SYNM: variants seen among roughly 807,000 people sequenced by gnomAD.
SYNM encodes desmuslin.
Under a neutral mutation model 104.0 loss-of-function variants are expected in SYNM, and 95 were observed. The ratio of observed to expected loss-of-function variants is 0.91; its 90% CI spans 0.77 to 1.08. The LOEUF is 1.08. SYNM is among the 50% of genes least tolerant of loss of function. The probability of loss-of-function intolerance (pLI) is 0.00; values close to 1 mark genes in which losing one functional copy is unlikely to be tolerated. For missense variants in SYNM, 2,150 were observed against 2,052.2 expected, an observed-to-expected ratio of 1.05 and a Z score of -0.92; for synonymous variants, 918 against 869.0, an observed-to-expected ratio of 1.06 and a Z score of -0.99.
At chr15:99,121,478 C>T (rs1293013804) in intron 2 of SYNM, among the ~76,000 whole-genome samples, 1 of 152,142 alleles carries the variant, frequency 6.6e-6, no homozygotes, top group Non-Finnish European at 1.5e-5. Context: ...GTATGAGAGA[C>T]ACGTGCCGCT....
chr15:99,105,502 G>C lies in SYNM; in HGVS notation c.303G>C (p.Glu101Asp). ...ELRELQRLDA[E>D]ERAARGRLDA... ...GGGAGCTGCAGCGCCTGGATGCGGA[G>C]GAGCGCGCCGCCCGCGGCCGCCTGG... The change falls in exon 1 of 4, where the codon GAG becomes GAC. Residue 101 changes from glutamate (E) to aspartate (D), a missense_variant. Transcript: ENST00000336292. 7.7e-7 allele frequency: 1 copy of C among 1,290,796 alleles called. No individual in the cohort carries two copies. The highest frequency in any genetic ancestry group is 3.9e-5 in the Admixed American group (1 of 25,770). The allele number at this position is 1,290,796 out of a possible 1,614,324, so 80.0% of individuals were successfully genotyped here.
intron 2 of SYNM, among the ~76,000 whole-genome samples, chr15:99,120,752 CA>C (rs1567279044): frequency 6.6e-6 from 1 of 152,080 alleles, no homozygotes; most frequent in Non-Finnish European, 1.5e-5. Flanking sequence ...TTGTGAGAAT[CA>C]GGGGAGGCTT....
At chr15:99,139,349 C>T (rs375107513), downstream of SYNM, 5 of 1,613,862 alleles carry the variant, frequency 3.1e-6, no homozygotes, top group African/African-American at 6.7e-5. Context: ...GCTGGGTGGC[C>T]AGAGTCCTTT....
At chr15:99,117,779 T>C (rs1394519218) in intron 2 of SYNM, among the ~76,000 whole-genome samples, 1 of 99,632 alleles carries the variant, frequency 1.0e-5, no homozygotes, top group Admixed American at 9.8e-5. Context: ...GCCTTTTTGG[T>C]AGGGTATTCA....
chr15:99,119,626 C>T (rs2067381729), intron 2 of SYNM, among the ~76,000 whole-genome samples: 1 of 152,174 alleles, frequency 6.6e-6, no homozygotes, highest in South Asian at 2.1e-4. Flanking sequence ...TCACAGAATC[C>T]TGTGGAGCCA....
At chr15:99,139,218 C>T, downstream of SYNM, 1 of 1,470,232 alleles carries the variant, frequency 6.8e-7, no homozygotes, top group Non-Finnish European at 9.2e-7. Context: ...GCAAAACATT[C>T]CAGAGAAGGT....
chr15:99,105,751 C>A lies in SYNM; in HGVS notation c.552C>A (p.His184Gln). ...CGCCGCCACGCCTGCGGGAGGTGCA[C>A]GACAGCTACGCACTGCTGGTGGCCG... ...AAPPPRLREV[H>Q]DSYALLVAES... Residue 184 changes from histidine to glutamine, a missense_variant, in exon 1 of 4, where the codon CAC becomes CAA. Transcript: ENST00000336292. 3 of 1,532,066 alleles carry A rather than the reference C, an allele frequency of 2.0e-6. No homozygotes were observed. Among genetic ancestry groups the A allele is most frequent in the African/African-American group, 1.4e-5 (1 of 70,316 alleles). The allele number at this position is 1,532,066 out of a possible 1,614,324, so 94.9% of individuals were successfully genotyped here. A position where few individuals can be genotyped will look rare whatever the true frequency, so the allele number is the denominator to read the frequency against.
At position 99,129,542 on chromosome 15, in the gene SYNM, C is replaced by G. The variant is rs782603809; in HGVS notation, c.1182C>G (p.Ala394=). The G allele has an allele frequency of 6.2e-7, 1 of 1,613,796 alleles. No individual in the cohort carries two copies. Among genetic ancestry groups the G allele is most frequent in the African/African-American group, 1.3e-5 (1 of 74,882 alleles). The change falls in exon 4 of 4, where the codon GCC becomes GCG. Residue 394 remains alanine (A), a synonymous_variant. Transcript: ENST00000336292. ...CGGGCACATCTATTGGAGGTGATGC[C>G]AGAAGAGGCTTCTTGGGCTCGGGAT... The part of the protein sequence containing the change: ...SQTGTSIGGD[A]RRGFLGSGYS...
downstream of SYNM, among the ~76,000 whole-genome samples, chr15:99,138,872 G>A (rs782277315): frequency 6.6e-6 from 1 of 152,236 alleles, no homozygotes; most frequent in Non-Finnish European, 1.5e-5. Flanking sequence ...TGTGAGGTAG[G>A]CCCTCCACGG....
rs1163511714 is a variant in SYNM at position 99,105,404 on chromosome 15, C to G, written c.205C>G (p.Gln69Glu). 3 of 1,509,004 alleles carry G rather than the reference C, an allele frequency of 2.0e-6. No individual in the cohort carries two copies. In the African/African-American group the frequency reaches 4.3e-5, roughly 22 times the overall value. The allele number at this position is 1,509,004 out of a possible 1,614,324, so 93.5% of individuals were successfully genotyped here. A position where few individuals can be genotyped will look rare whatever the true frequency, so the allele number is the denominator to read the frequency against. Reference sequence around the variant, plus strand: ...CGCCGAGGAGGCGCGCAGCTTGCGGCAGCAGCTGGACGAGCTGAGCTGGGC... The same window carrying G: ...CGCCGAGGAGGCGCGCAGCTTGCGGGAGCAGCTGGACGAGCTGAGCTGGGC... ...RCAEEARSLR[Q>E]QLDELSWATA... The change falls in exon 1 of 4, where the codon CAG becomes GAG. Residue 69 changes from glutamine (Q) to glutamate (E), a missense_variant. Physicochemically the swap from Gln to Glu is conservative, Grantham distance 29. Transcript: ENST00000336292.
At chr15:99,138,170 C>T (rs781996326), downstream of SYNM, 1 of 1,603,736 alleles carries the variant, frequency 6.2e-7, no homozygotes, top group Non-Finnish European at 8.5e-7. Context: ...TGCCCCTCAG[C>T]CCCCCACACC....
rs528862126 is a variant in SYNM, at chr15:99,125,159, G to A, written c.936-1563G>A. On this transcript the variant is annotated intron_variant, in intron 2 of 3. Transcript: ENST00000336292. ...GAGGTTCACAGCTGAGCCAGGCCGG[G>A]AGGATCTGAACTAGAACCTAGTCTT... Among the ~76,000 whole-genome samples, 12 of 152,344 alleles carry A rather than the reference G, an allele frequency of 7.9e-5. No individual in the cohort carries two copies. The East Asian group carries it at 2.1e-3, about 27-fold the overall frequency.
rs782282370 is a variant in SYNM, at chr15:99,130,199, A to T, written c.1839A>T (p.Ala613=). The change falls in exon 4 of 4, where the codon GCA becomes GCT. Residue 613 remains alanine, a synonymous_variant. Coordinates refer to ENST00000336292, the MANE Select transcript of SYNM (RefSeq NM_145728.3). ...AGGGTGREAE[A]RELRFRLGTS... ...GTGGGACCGGTAGAGAGGCAGAAGCAAGAGAGCTACGGTTCAGGTTGGGCA... is the reference window on the plus strand; with the variant it reads ...GTGGGACCGGTAGAGAGGCAGAAGCTAGAGAGCTACGGTTCAGGTTGGGCA... 3 of 1,613,862 alleles carry T rather than the reference A, an allele frequency of 1.9e-6. No individual in the cohort carries two copies. The highest frequency in any genetic ancestry group is 1.6e-4 in the Middle Eastern group (1 of 6,084).
intron 2 of SYNM, among the ~76,000 whole-genome samples, chr15:99,122,335 T>C (rs1280360949): frequency 1.3e-5 from 2 of 152,226 alleles, no homozygotes; most frequent in African/African-American, 4.8e-5. Flanking sequence ...TTCTGATTGC[T>C]CCATTATTTT....
chr15:99,105,716 CCCGCCGCG>C lies in SYNM; in HGVS notation c.525_532del (p.Pro176ThrfsTer96), dbSNP rs1567272028. On this transcript the variant is annotated frameshift_variant, in exon 1 of 4. Transcript: ENST00000336292. LOFTEE classifies it high-confidence loss of function. ...GCATTTCCGCGCCCGCGCCACCGGC[CCCGCCGCG>C]CCGCCGCCACGCCTGCGGGAGGTGC... 2.0e-6 allele frequency: 3 copies of C among 1,497,902 alleles called. No individual in the cohort carries two copies. Among genetic ancestry groups the C allele is most frequent in the Non-Finnish European group, 1.8e-6 (2 of 1,128,078 alleles). The allele number at this position is 1,497,902 out of a possible 1,614,324, so 92.8% of individuals were successfully genotyped here. A position where few individuals can be genotyped will look rare whatever the true frequency, so the allele number is the denominator to read the frequency against.
rs1293636373 is a variant in SYNM, at chr15:99,131,906, A to C, written c.3546A>C (p.Pro1182=). The change falls in exon 4 of 4, where the codon CCA becomes CCC. Residue 1182 remains proline, a synonymous_variant. Coordinates refer to ENST00000336292, the MANE Select transcript of SYNM (RefSeq NM_145728.3). The surrounding 1 kb of genome is among the most constrained non-coding windows in gnomAD (Gnocchi z 4.3). The part of the protein sequence containing the change: ...RHVTLGPGQS[P]LSREVIFLGP... ...TCACGCTGGGTCCCGGTCAAAGTCCACTGTCCAGAGAAGTCATCTTCCTAG... is the reference window on the plus strand; with the variant it reads ...TCACGCTGGGTCCCGGTCAAAGTCCCCTGTCCAGAGAAGTCATCTTCCTAG... 1 of 1,613,808 alleles carries C rather than the reference A, an allele frequency of 6.2e-7. No individual in the cohort carries two copies. The highest frequency in any genetic ancestry group is 8.5e-7 in the Non-Finnish European group (1 of 1,179,884).
At chr15:99,112,379 A>G (rs1041088092) in intron 1 of SYNM, among the ~76,000 whole-genome samples, 7 of 152,274 alleles carry the variant, frequency 4.6e-5, no homozygotes, top group Admixed American at 4.6e-4. Flanking sequence ...CAGAGTAACT[A>G]ACAACTAGGA....
At chr15:99,119,330 A>G (rs1555484299) in intron 2 of SYNM, among the ~76,000 whole-genome samples, 1 of 152,186 alleles carries the variant, frequency 6.6e-6, no homozygotes, top group African/African-American at 2.4e-5. Context: ...GTTTGTTGGG[A>G]ATGCAGAATC....
At chr15:99,111,892 A>C (rs1555483440) in intron 1 of SYNM, among the ~76,000 whole-genome samples, 1 of 152,206 alleles carries the variant, frequency 6.6e-6, no homozygotes, top group East Asian at 1.9e-4. Context: ...TAACAATACA[A>C]AAATCAGTTG....
Sources: allele counts gnomAD v4.1 joint callset (sites outside exome capture counted in the v4.1 genomes callset), GRCh38; gene constraint gnomAD v4.1.1; non-coding constraint Gnocchi (gnomAD v3.1); transcripts MANE v1.5; gene names NCBI Gene and HGNC (gene_info 2026-07-23, HGNC 2026-07-21).